Variants in ANKRD33B observed in about 807,000 individuals in gnomAD.
The protein encoded by ANKRD33B is ankyrin repeat domain 33B, also known as ankyrin repeat domain-containing protein 33B.
A neutral mutation model predicts 21.5 loss-of-function variants in ANKRD33B; 6 were observed. That is an observed-to-expected ratio of 0.28 (90% CI 0.15 to 0.55). The LOEUF (loss-of-function observed/expected upper bound fraction) is 0.55, where lower values mean the gene tolerates loss of function less well. ANKRD33B is among the 20% of genes least tolerant of loss of function. ANKRD33B has a pLI of 0.94. For synonymous variants in ANKRD33B, 347 were observed against 342.4 expected, an observed-to-expected ratio of 1.01 and a Z score of -0.15; for missense variants, 698 against 747.2, an observed-to-expected ratio of 0.93 and a Z score of 0.77.
Position 10,653,834 on chromosome 5 carries a change from T to G in ANKRD33B, c.*3721T>G, listed in dbSNP as rs1737416986. ...TTCATTTTGTCTGTTTTCGTTGCTT[T>G]GAACAGCTGCATTCACTCACCGAGG... On this transcript the variant is annotated 3_prime_UTR_variant, in exon 4 of 4. Transcript: ENST00000296657. 2 of 152,472 alleles carry G rather than the reference T, an allele frequency of 1.3e-5. No homozygotes were observed. Among genetic ancestry groups the G allele is most frequent in the South Asian group, 4.1e-4 (2 of 4,832 alleles). The allele number at this position is 152,472 out of a possible 1,614,324, so 9.4% of individuals were successfully genotyped here. A position where few individuals can be genotyped will look rare whatever the true frequency, so the allele number is the denominator to read the frequency against.
rs1473489328 is a variant in ANKRD33B at position 10,649,959 on chromosome 5, A to C, written c.1331A>C (p.Lys444Thr). 1 of 1,531,328 alleles carries C rather than the reference A, an allele frequency of 6.5e-7. No homozygotes were observed. Among genetic ancestry groups the C allele is most frequent in the Admixed American group, 2.0e-5 (1 of 50,720 alleles). 94.9% of individuals were successfully genotyped at this position (1,531,328 alleles called of 1,614,324 possible). The change falls in exon 4 of 4, where the codon AAG (lysine) becomes ACG (threonine). Residue 444 changes from lysine (K) to threonine (T), a missense_variant. Lys to Thr is a moderately conservative substitution (Grantham distance 78, BLOSUM62 -1). Coordinates refer to ENST00000296657, the MANE Select transcript of ANKRD33B (RefSeq NM_001164440.2). ...PTFQPERPAR[K>T]GSTKDSGHLQ... Reference sequence around the variant, plus strand: ...TTCCAGCCCGAGCGGCCGGCGCGGAAGGGCAGCACCAAGGACAGCGGCCAC... The same window carrying C: ...TTCCAGCCCGAGCGGCCGGCGCGGACGGGCAGCACCAAGGACAGCGGCCAC...
At chr5:10,573,178 A>G (rs1280581526) in intron 1 of ANKRD33B, among the ~76,000 whole-genome samples, 1 of 152,094 alleles carries the variant, frequency 6.6e-6, no homozygotes, top group Non-Finnish European at 1.5e-5. Flanking sequence ...TTTAAAAATA[A>G]TCTCTTCCAG....
chr5:10,593,672 C>T (rs756042517), intron 1 of ANKRD33B, among the ~76,000 whole-genome samples: 61 of 152,020 alleles, frequency 4.0e-4, no homozygotes, highest in Non-Finnish European at 7.8e-4. Flanking sequence ...AACCTCTTCT[C>T]CTCCCGGGCA....
At chr5:10,614,109 A>G (rs1333375264) in intron 1 of ANKRD33B, among the ~76,000 whole-genome samples, 1 of 151,942 alleles carries the variant, frequency 6.6e-6, no homozygotes, top group Admixed American at 6.6e-5. Context: ...AAACTTTTCC[A>G]TGAAAAGTTC....
intron 1 of ANKRD33B, among the ~76,000 whole-genome samples, chr5:10,568,253 A>G (rs1345280710): frequency 3.3e-5 from 5 of 152,254 alleles, no homozygotes; most frequent in Non-Finnish European, 7.3e-5. Flanking sequence ...GCTTGCTTCC[A>G]ATGTCTTCTG....
chr5:10,644,452 C>T (rs1737143166), intron 3 of ANKRD33B, among the ~76,000 whole-genome samples: 1 of 152,184 alleles, frequency 6.6e-6, no homozygotes, highest in African/African-American at 2.4e-5. Context: ...TCCAGGCTTG[C>T]TTAAGGGAGC....
At chr5:10,593,393 T>C (rs994912950) in intron 1 of ANKRD33B, among the ~76,000 whole-genome samples, 5 of 152,178 alleles carry the variant, frequency 3.3e-5, no homozygotes, top group African/African-American at 9.7e-5. Flanking sequence ...CCATCTGCAA[T>C]GACAGAATAC....
In ANKRD33B at chr5:10,655,693, G is replaced by A. The variant is rs1371605340; in HGVS notation, c.*5580G>A. ...CATGATAAAGCGCGAGCACTTTTTCGCTTTTGCAGTATTTGGGGAAATTCT... is the reference window on the plus strand; with the variant it reads ...CATGATAAAGCGCGAGCACTTTTTCACTTTTGCAGTATTTGGGGAAATTCT... On this transcript the variant is annotated 3_prime_UTR_variant, in exon 4 of 4. Coordinates refer to ENST00000296657, the MANE Select transcript of ANKRD33B (RefSeq NM_001164440.2). The A allele has an allele frequency of 2.6e-5, 4 of 152,252 alleles. No homozygotes were observed. Among genetic ancestry groups the A allele is most frequent in the South Asian group, 2.1e-4 (1 of 4,828 alleles). The allele number at this position is 152,252 out of a possible 1,614,324, so 9.4% of individuals were successfully genotyped here. A position where few individuals can be genotyped will look rare whatever the true frequency, so the allele number is the denominator to read the frequency against.
chr5:10,586,009 C>T (rs1051842784), intron 1 of ANKRD33B, among the ~76,000 whole-genome samples: 2 of 152,214 alleles, frequency 1.3e-5, no homozygotes, highest in African/African-American at 4.8e-5. Context: ...AAGGACCCAA[C>T]AGGCAGCAAC....
chr5:10,564,543 C>T lies in ANKRD33B; in HGVS notation c.76C>T (p.Arg26Trp). 1.3e-6 allele frequency: 2 copies of T among 1,533,358 alleles called. No individual in the cohort carries two copies. Among genetic ancestry groups the T allele is most frequent in the East Asian group, 2.5e-5 (1 of 40,794 alleles). The allele number at this position is 1,533,358 out of a possible 1,614,324, so 95.0% of individuals were successfully genotyped here. The change falls in exon 1 of 4, where the codon CGG (arginine) becomes TGG (tryptophan). Residue 26 changes from arginine (R) to tryptophan (W), a missense_variant. By Grantham distance (101) the Arg-to-Trp change is moderately radical. Around this residue, in one of 3 missense-constraint regions of ANKRD33B, gnomAD observed 148 missense variants for 154.9 expected, o/e 0.96. Transcript: ENST00000296657. ...GACCCCACCACCGCCGTCCCCACCC[C>T]GGGGCGCGCAGGTCGAGGAGGACCC... The part of the protein sequence containing the change: ...CMTPPPPSPP[R>W]GAQVEEDPAD...
chr5:10,625,077 C>T, intron 2 of ANKRD33B: 1 of 267,642 alleles, frequency 3.7e-6, no homozygotes, highest in South Asian at 3.8e-5. Flanking sequence ...GTCAGACAGA[C>T]ACAGAGGCAT....
At chr5:10,573,552 TAAAG>T (rs1406142062) in intron 1 of ANKRD33B, among the ~76,000 whole-genome samples, 2 of 150,734 alleles carry the variant, frequency 1.3e-5, no homozygotes, top group Non-Finnish European at 2.9e-5. Context: ...TGTAAAGAAA[TAAAG>T]AACTGCCTGG....
intron 1 of ANKRD33B, among the ~76,000 whole-genome samples, chr5:10,588,808 T>C (rs541970952): frequency 2.6e-5 from 4 of 152,328 alleles, no homozygotes; most frequent in Admixed American, 6.5e-5. Context: ...CAGACGTTTG[T>C]CGTATGCCAT....
chr5:10,591,195 GTT>G (rs112409223), intron 1 of ANKRD33B, among the ~76,000 whole-genome samples: 18 of 132,072 alleles, frequency 1.4e-4, no homozygotes, highest in Admixed American at 3.2e-4. Flanking sequence ...TTTTTTAGTG[GTT>G]TTTTTTTTTT....
chr5:10,631,023 T>C (rs1579747356), intron 2 of ANKRD33B, among the ~76,000 whole-genome samples: 3 of 152,256 alleles, frequency 2.0e-5, no homozygotes, highest in Admixed American at 6.5e-5. Context: ...AGGGGTCTTA[T>C]GACCTACAGT....
At chr5:10,638,410 TCCCTCACCTG>T (rs1368375749) in intron 3 of ANKRD33B, among the ~76,000 whole-genome samples, 3 of 152,214 alleles carry the variant, frequency 2.0e-5, no homozygotes, top group Non-Finnish European at 2.9e-5. Context: ...GGTGGCACCT[TCCCTCACCTG>T]CTGTTTTCCT....
chr5:10,571,877 C>T (rs1031077260), intron 1 of ANKRD33B, among the ~76,000 whole-genome samples: 9 of 136,990 alleles, frequency 6.6e-5, no homozygotes, highest in Middle Eastern at 3.6e-3. Flanking sequence ...ATAAGGCATC[C>T]GTATTTTCTT....
chr5:10,613,078 C>T (rs963497698), intron 1 of ANKRD33B, among the ~76,000 whole-genome samples: 31 of 152,242 alleles, frequency 2.0e-4, no homozygotes, highest in African/African-American at 7.2e-4. Flanking sequence ...GGCTCCCCTA[C>T]TGTGGTACCA....
intron 2 of ANKRD33B, among the ~76,000 whole-genome samples, chr5:10,632,450 C>T (rs1235614270): frequency 3.9e-5 from 6 of 152,170 alleles, no homozygotes; most frequent in Admixed American, 2.6e-4. Context: ...AAGGCACCTT[C>T]GCATCCATGC....
Sources: gnomAD v4.1 joint callset for allele counts (sites outside exome capture counted in the v4.1 genomes callset) on GRCh38, gnomAD v4.1.1 for gene constraint, gnomAD v4.1.1 regional missense constraint, MANE v1.5 for transcripts, NCBI Gene and HGNC (gene_info 2026-07-23, HGNC 2026-07-21) for gene names.